The following PITPNB variants were observed in gnomAD, a reference collection of about 807,000 sequenced individuals.
PITPNB encodes phosphatidylinositol transfer protein beta isoform.
In PITPNB, 16 loss-of-function variants were observed where a neutral mutation model predicts 45.9. The observed-to-expected ratio is 0.35, with a 90% CI of 0.24 to 0.53. The LOEUF is 0.53. Among genes scored for constraint, PITPNB ranks in the 20% least tolerant of loss-of-function variants. The pLI, the probability that PITPNB is intolerant of heterozygous loss-of-function variation, is 0.93. For missense variants in PITPNB, 188 were observed against 330.5 expected, an observed-to-expected ratio of 0.57 and a Z score of 3.34; for synonymous variants, 112 against 108.9, an observed-to-expected ratio of 1.03 and a Z score of -0.18.
intron 7 of PITPNB, among the ~76,000 whole-genome samples, chr22:27,889,529 C>T (rs1171318930): frequency 6.6e-6 from 1 of 152,126 alleles, no homozygotes; most frequent in Non-Finnish European, 1.5e-5. Flanking sequence ...AATGACTGTT[C>T]CACTCATCAA....
At chr22:27,897,416 G>A (rs1175406401) in intron 4 of PITPNB, among the ~76,000 whole-genome samples, 1 of 152,164 alleles carries the variant, frequency 6.6e-6, no homozygotes, top group Non-Finnish European at 1.5e-5. Flanking sequence ...TTATTTATAA[G>A]GTCAATTTAG....
chr22:27,912,949 C>G (rs1465589374), intron 2 of PITPNB, among the ~76,000 whole-genome samples: 1 of 142,246 alleles, frequency 7.0e-6, no homozygotes, highest in Non-Finnish European at 1.5e-5. Flanking sequence ...CAATACTGTA[C>G]TCCAGCCTGG....
rs2146339191 is a variant in PITPNB at position 27,851,909 on chromosome 22, C to T, written c.*1793G>A. ...AGTTAAGTTCATTAAAAGGAGAGGG[C>T]TAGACTCTTTATTTCACAAAATTAG... On this transcript the variant is annotated 3_prime_UTR_variant, in exon 12 of 12. Transcript: ENST00000335272. 1 of 152,298 alleles carries T rather than the reference C, an allele frequency of 6.6e-6. No homozygotes were observed. Among genetic ancestry groups the T allele is most frequent in the Non-Finnish European group, 1.5e-5 (1 of 68,018 alleles). 9.4% of individuals were successfully genotyped at this position (152,298 alleles called of 1,614,324 possible). A position where few individuals can be genotyped will look rare whatever the true frequency, so the allele number is the denominator to read the frequency against.
At chr22:27,878,505 T>C (rs1287465651) in intron 7 of PITPNB, among the ~76,000 whole-genome samples, 1 of 152,256 alleles carries the variant, frequency 6.6e-6, no homozygotes, top group Non-Finnish European at 1.5e-5. Flanking sequence ...TTTTCTATTT[T>C]TAATTACATC....
intron 3 of PITPNB, among the ~76,000 whole-genome samples, chr22:27,909,281 G>A (rs551090647): frequency 3.8e-5 from 5 of 132,796 alleles, no homozygotes; most frequent in African/African-American, 1.5e-4. Flanking sequence ...TGCCCCGACT[G>A]GTCTCAAACT....
chr22:27,860,071 T>C (rs1569003978), intron 9 of PITPNB, 60 bp downstream of exon 9: 2 of 934,948 alleles, frequency 2.1e-6, no homozygotes, highest in Non-Finnish European at 3.5e-6. Flanking sequence ...AGATATCCCA[T>C]TAATAGCTAG....
At chr22:27,880,679 A>G (rs1184579240) in intron 7 of PITPNB, among the ~76,000 whole-genome samples, 1 of 152,010 alleles carries the variant, frequency 6.6e-6, no homozygotes, top group East Asian at 1.9e-4. Context: ...CTACAGTGCA[A>G]TGGCACGATC....
intron 7 of PITPNB, among the ~76,000 whole-genome samples, chr22:27,882,290 T>C (rs771735411): frequency 1.3e-5 from 2 of 152,156 alleles, no homozygotes; most frequent in South Asian, 2.1e-4. Context: ...AAGTGTCAGA[T>C]TGCTCACTAA....
chr22:27,912,333 C>T (rs1387700420), intron 2 of PITPNB, among the ~76,000 whole-genome samples: 1 of 152,200 alleles, frequency 6.6e-6, no homozygotes, highest in African/African-American at 2.4e-5. Flanking sequence ...TTCTTAAATG[C>T]TCCCAAAATA....
intron 11 of PITPNB, among the ~76,000 whole-genome samples, chr22:27,854,090 G>A (rs1403613544): frequency 6.6e-6 from 1 of 151,988 alleles, no homozygotes; most frequent in East Asian, 1.9e-4. Flanking sequence ...GCTCATGTGG[G>A]GCAGCAAAGA....
intron 1 of PITPNB, among the ~76,000 whole-genome samples, chr22:27,917,015 C>T (rs916718965): frequency 5.3e-5 from 8 of 151,868 alleles, no homozygotes; most frequent in African/African-American, 1.9e-4. Context: ...TGCTAGATAC[C>T]GACATTACTT....
chr22:27,890,255 G>A (rs1293963982), intron 7 of PITPNB, among the ~76,000 whole-genome samples: 2 of 151,334 alleles, frequency 1.3e-5, no homozygotes, highest in African/African-American at 4.9e-5. Context: ...AACCCTGGAA[G>A]CTCAATGCTC....
At chr22:27,901,678 G>A (rs943488746) in intron 3 of PITPNB, among the ~76,000 whole-genome samples, 2 of 152,136 alleles carry the variant, frequency 1.3e-5, no homozygotes, top group African/African-American at 2.4e-5. Flanking sequence ...GAGGTTGGGA[G>A]TTCGAGACCA....
At chr22:27,875,923 T>C (rs1934808313) in intron 7 of PITPNB, among the ~76,000 whole-genome samples, 1 of 152,158 alleles carries the variant, frequency 6.6e-6, no homozygotes, top group African/African-American at 2.4e-5. Flanking sequence ...TGGAGACAAT[T>C]ACTGTCAGAA....
intron 2 of PITPNB, among the ~76,000 whole-genome samples, chr22:27,912,271 C>G (rs774281821): frequency 2.0e-5 from 3 of 152,144 alleles, no homozygotes; most frequent in Non-Finnish European, 2.9e-5. Flanking sequence ...CACACCCACA[C>G]ACACACTCTT....
chr22:27,907,067 G>A (rs9625359), intron 3 of PITPNB, among the ~76,000 whole-genome samples: 122 of 152,194 alleles, frequency 8.0e-4, no homozygotes, highest in African/African-American at 2.6e-3. Flanking sequence ...AGTCAAGTTT[G>A]TAGTTTTATT....
At chr22:27,911,190 G>C (rs944316519) in intron 2 of PITPNB, 81 bp from the exon 3 acceptor site, 1 of 954,774 alleles carries the variant, frequency 1.0e-6, no homozygotes, top group Non-Finnish European at 1.6e-6. Context: ...TAATAATATA[G>C]ATGATATAGA....
intron 11 of PITPNB, 75 bp from the exon 12 acceptor site, chr22:27,853,738 C>T (rs1346070397): frequency 9.8e-7 from 1 of 1,020,294 alleles, no homozygotes; most frequent in East Asian, 2.6e-5. Flanking sequence ...TCGTCACACA[C>T]ACTCTCCAAA....
rs58288724 is a variant in PITPNB at position 27,872,081 on chromosome 22, GTTTTTTTTTTTTTT to G, written c.534+1643_534+1656del. ...CAGAACCGTGAGCCAATTAAGCCTG[GTTTTTTTTTTTTTT>G]TTTTTTTTTTTTTTTTGGGACGGAG... On this transcript the variant is annotated intron_variant, in intron 8 of 11. Coordinates refer to ENST00000335272, the MANE Select transcript of PITPNB (RefSeq NM_012399.5). 2.3e-4 allele frequency among the ~76,000 whole-genome samples: 15 copies of G among 64,366 alleles called. 1 individual carries two copies. Among genetic ancestry groups the G allele is most frequent in the Admixed American group, 1.2e-3 (5 of 4,202 alleles). 42.2% of individuals were successfully genotyped at this position (64,366 alleles called of 152,430 possible).
Sources: allele counts gnomAD v4.1 joint callset (sites outside exome capture counted in the v4.1 genomes callset), GRCh38; gene constraint gnomAD v4.1.1; transcripts MANE v1.5; gene names NCBI Gene and HGNC (gene_info 2026-07-23, HGNC 2026-07-21).